The following PCDH18 variants were observed in gnomAD, a reference collection of about 807,000 sequenced individuals.
The protein encoded by PCDH18 is protocadherin-18.
A neutral mutation model predicts 71.5 loss-of-function variants in PCDH18; 38 were observed. That is an observed-to-expected ratio of 0.53 (90% confidence interval 0.41 to 0.70). The LOEUF is 0.70. Ranked by LOEUF, PCDH18 falls within the 30% of genes least tolerant of loss-of-function variation. PCDH18 has a pLI of 0.00. For missense variants in PCDH18, 1,334 were observed against 1,384.6 expected, an observed-to-expected ratio of 0.96 and a Z score of 0.58; for synonymous variants, 565 against 505.4, an observed-to-expected ratio of 1.12 and a Z score of -1.58.
In PCDH18 at chr4:137,520,359, A is replaced by G. The variant is rs1731254147; in HGVS notation, c.*670T>C. The G allele has an allele frequency of 6.6e-6, 1 of 152,222 alleles. No individual in the cohort carries two copies. Among genetic ancestry groups the G allele is most frequent in the Admixed American group, 6.5e-5 (1 of 15,276 alleles). The allele number at this position is 152,222 out of a possible 1,614,324, so 9.4% of individuals were successfully genotyped here. On this transcript the variant is annotated 3_prime_UTR_variant, in exon 4 of 4. Transcript: ENST00000344876. ...CTGGAATAGTAGGGGCCTGGGAGTC[A>G]GGAAACATTGACTTTAATTCTGTTT...
chr4:137,522,478 GA>G (rs1301814218), intron 3 of PCDH18, among the ~76,000 whole-genome samples: 3 of 151,942 alleles, frequency 2.0e-5, no homozygotes, highest in East Asian at 1.9e-4. Flanking sequence ...AAATAAAGAG[GA>G]AAAAACCCCT....
chr4:137,531,594 AT>A lies in PCDH18; in HGVS notation c.494del (p.Asp165ValfsTer35), dbSNP rs1395794539. On this transcript the variant is annotated frameshift_variant, in exon 1 of 4. Coordinates refer to ENST00000344876, the MANE Select transcript of PCDH18 (RefSeq NM_019035.5). LOFTEE classifies it high-confidence loss of function. ...RIPLDSAFDP[D>X]VGENSLHTYS... is the part of the protein sequence containing the mutation. The stretch of plus-strand genomic sequence containing the variant: ...ATGTGTGGAGGGAATTTTCCCCAAC[AT>A]CTGGATCAAATGCACTGTCCAGGGG... 1 of 1,613,700 alleles carries A rather than the reference AT, an allele frequency of 6.2e-7. No individual in the cohort carries two copies. Among genetic ancestry groups the A allele is most frequent in the Admixed American group, 1.7e-5 (1 of 59,988 alleles).
intron 3 of PCDH18, among the ~76,000 whole-genome samples, chr4:137,524,124 A>G (rs903334892): frequency 6.6e-6 from 1 of 152,138 alleles, no homozygotes; most frequent in Non-Finnish European, 1.5e-5. Flanking sequence ...AAGTGGTGCA[A>G]GTGGCTAATC....
At position 137,521,458 on chromosome 4, in the gene PCDH18, A is replaced by G. The variant is rs751329691; in HGVS notation, c.2979T>C (p.Asp993=). The change falls in exon 4 of 4, where the codon GAT becomes GAC. Residue 993 remains aspartate, a synonymous_variant. Transcript: ENST00000344876. ...FSTFGKDSPN[D]EDTGDTSTSS... is the part of the protein sequence containing the mutation. ...ATGTGCTGGTATCCCCAGTGTCCTC[A>G]TCGTTTGGGGAGTCCTTTCCAAAGG... 1 of 1,614,160 alleles carries G rather than the reference A, an allele frequency of 6.2e-7. No individual in the cohort carries two copies. Among genetic ancestry groups the G allele is most frequent in the South Asian group, 1.1e-5 (1 of 91,082 alleles).
chr4:137,530,851 T>C lies in PCDH18; in HGVS notation c.1238A>G (p.Asn413Ser), dbSNP rs1191762832. ...GHFKLQKTYE[N>S]NYLILTNATL... The stretch of plus-strand genomic sequence containing the variant: ...GGCATTAGTTAAGATTAAATAATTG[T>C]TTTCATATGTCTTCTGAAGTTTAAA... Residue 413 changes from asparagine to serine, a missense_variant, in exon 1 of 4, where the codon AAC (asparagine) becomes AGC (serine). By Grantham distance (46) the Asn-to-Ser change is conservative (BLOSUM62 1). Around this residue, in one of 3 missense-constraint regions of PCDH18, gnomAD observed 1,011 missense variants for 1,048.0 expected, o/e 0.96. Transcript: ENST00000344876. The C allele has an allele frequency of 8.1e-6, 13 of 1,609,220 alleles. No individual in the cohort carries two copies. Among genetic ancestry groups the C allele is most frequent in the Admixed American group, 1.7e-5 (1 of 59,280 alleles).
rs760207411 is a variant in PCDH18 at position 137,521,149 on chromosome 4, A to G, written c.3288T>C (p.Tyr1096=). 1.2e-5 allele frequency: 20 copies of G among 1,614,150 alleles called. No individual in the cohort carries two copies. The East Asian group carries it at 4.0e-4, about 32-fold the overall frequency. The change falls in exon 4 of 4, where the codon TAT becomes TAC. Residue 1096 remains tyrosine, a synonymous_variant. Transcript: ENST00000344876. ...GCACATTGTCAAAATCATCTTCCTC[A>G]TAATTTTCAGGGATCTCCTCCATGG... ...LPAMEEIPEN[Y]EEDDFDNVLN... is the part of the protein sequence containing the mutation.
Position 137,521,139 on chromosome 4 carries a change from C to A in PCDH18, c.3298G>T (p.Asp1100Tyr). The stretch of plus-strand genomic sequence containing the variant: ...AGGTGGTTGAGCACATTGTCAAAAT[C>A]ATCTTCCTCATAATTTTCAGGGATC... ...EEIPENYEED[D>Y]FDNVLNHLND... is the part of the protein sequence containing the mutation. Residue 1100 changes from aspartate to tyrosine, a missense_variant, in exon 4 of 4, where the codon GAT becomes TAT. Asp to Tyr is a radical substitution (Grantham distance 160). Coordinates refer to ENST00000344876, the MANE Select transcript of PCDH18 (RefSeq NM_019035.5). 6.2e-7 allele frequency: 1 copy of A among 1,614,040 alleles called. No homozygotes were observed.
rs749185256 is a variant in PCDH18 at position 137,530,685 on chromosome 4, G to A, written c.1404C>T (p.Ser468=). The change falls in exon 1 of 4, where the codon AGC becomes AGT. Residue 468 remains serine (S), a synonymous_variant. Transcript: ENST00000344876. ...TTTCTGAAATTACAAATTCATATCG[G>A]CTTCTCTGGAAGTGGGGTGGATTGT... The part of the protein sequence containing the change: ...INDNPPHFQR[S]RYEFVISENN... The A allele has an allele frequency of 6.2e-7, 1 of 1,612,856 alleles. No homozygotes were observed. The highest frequency in any genetic ancestry group is 8.5e-7 in the Non-Finnish European group (1 of 1,179,392).
In PCDH18 at chr4:137,531,630, C is replaced by G; in HGVS notation, c.459G>C (p.Gly153=). The change falls in exon 1 of 4, where the codon GGG becomes GGC. Residue 153 remains glycine (G), a synonymous_variant. Coordinates refer to ENST00000344876, the MANE Select transcript of PCDH18 (RefSeq NM_019035.5). ...ATGCACTGTCCAGGGGAATGCGAGT[C>G]CCAACTGCTGCACTCTCAGATATCT... is the stretch of plus-strand genomic sequence containing the variant. ...PIEISESAAV[G]TRIPLDSAFD... 6.2e-7 allele frequency: 1 copy of G among 1,613,792 alleles called. No individual in the cohort carries two copies. Among genetic ancestry groups the G allele is most frequent in the East Asian group, 2.2e-5 (1 of 44,870 alleles).
intron 3 of PCDH18, among the ~76,000 whole-genome samples, chr4:137,528,041 C>T (rs139637224): frequency 1.1e-3 from 170 of 152,146 alleles, no homozygotes; most frequent in African/African-American, 3.7e-3. Flanking sequence ...GAGTTGGTGC[C>T]CATCACAGGA....
chr4:137,528,360 A>G, intron 3 of PCDH18, 118 bp downstream of exon 3: 2 of 767,476 alleles, frequency 2.6e-6, no homozygotes, highest in South Asian at 1.7e-5. Context: ...AAAACATATT[A>G]TAAATACTTT....
At chr4:137,522,382 G>C (rs1174057270) in intron 3 of PCDH18, among the ~76,000 whole-genome samples, 2 of 152,112 alleles carry the variant, frequency 1.3e-5, no homozygotes, top group South Asian at 2.1e-4. Flanking sequence ...CCATTCCTTA[G>C]GTCTTACAGA....
At position 137,520,283 on chromosome 4, in the gene PCDH18, G is replaced by T. The variant is rs980722669; in HGVS notation, c.*746C>A. ...TTATTGTTTACCATAATTATAAGTA[G>T]ATAATAATATTGTGAGAGAAATATT... On this transcript the variant is annotated 3_prime_UTR_variant, in exon 4 of 4. Transcript: ENST00000344876. 1 of 152,284 alleles carries T rather than the reference G, an allele frequency of 6.6e-6. No homozygotes were observed. Among genetic ancestry groups the T allele is most frequent in the African/African-American group, 2.4e-5 (1 of 41,446 alleles). 9.4% of individuals were successfully genotyped at this position (152,284 alleles called of 1,614,324 possible). A position where few individuals can be genotyped will look rare whatever the true frequency, so the allele number is the denominator to read the frequency against.
chr4:137,529,304 C>A, intron 1 of PCDH18: 1 of 297,896 alleles, frequency 3.4e-6, no homozygotes, highest in Non-Finnish European at 6.2e-6. Context: ...TACTTTTTGG[C>A]TTCCCATTAT....
Position 137,521,218 on chromosome 4 carries a change from A to G in PCDH18, c.3219T>C (p.Leu1073=), listed in dbSNP as rs1266524264. The change falls in exon 4 of 4, where the codon CTT becomes CTC. Residue 1073 remains leucine, a synonymous_variant. Coordinates refer to ENST00000344876, the MANE Select transcript of PCDH18 (RefSeq NM_019035.5). ...AAGGCTGCACACTGGAGTGAGTTCC[A>G]AGTGGCGGCCCACAGTTGGTGGTGG... ...QNPTTNCGPP[L]GTHSSVQPSS... 1 of 1,613,870 alleles carries G rather than the reference A, an allele frequency of 6.2e-7. No homozygotes were observed. The highest frequency in any genetic ancestry group is 8.5e-7 in the Non-Finnish European group (1 of 1,179,868).
At chr4:137,525,553 T>C (rs893712783) in intron 3 of PCDH18, among the ~76,000 whole-genome samples, 6 of 152,154 alleles carry the variant, frequency 3.9e-5, no homozygotes. Flanking sequence ...TAAATTGGAA[T>C]ATGTGTCATC....
At chr4:137,522,935 GAAGT>G (rs1262733441) in intron 3 of PCDH18, among the ~76,000 whole-genome samples, 1 of 152,106 alleles carries the variant, frequency 6.6e-6, no homozygotes, top group African/African-American at 2.4e-5. Context: ...TGAAAAAAAA[GAAGT>G]AATGGTCTTT....
chr4:137,528,058 TC>T (rs1307497081), intron 3 of PCDH18, among the ~76,000 whole-genome samples: 1 of 152,138 alleles, frequency 6.6e-6, no homozygotes, highest in African/African-American at 2.4e-5. Context: ...AGGAAATGCA[TC>T]CTCCAAATTA....
Position 137,530,976 on chromosome 4 carries a change from T to A in PCDH18, c.1113A>T (p.Glu371Asp), listed in dbSNP as rs1197874088. 6.2e-7 allele frequency: 1 copy of A among 1,613,378 alleles called. No homozygotes were observed. Among genetic ancestry groups the A allele is most frequent in the Non-Finnish European group, 8.5e-7 (1 of 1,179,704 alleles). The change falls in exon 1 of 4, where the codon GAA becomes GAT. Residue 371 changes from glutamate to aspartate, a missense_variant. Glu to Asp is a conservative substitution (Grantham distance 45, BLOSUM62 2). Transcript: ENST00000344876. ...PGKEEISYIF[E>D]GDPIDTFVAL... ...CAACAAATGTATCAATAGGATCCCC[T>A]TCAAAAATATAAGATATTTCTTCTT...
Sources: gnomAD v4.1 joint callset for allele counts (sites outside exome capture counted in the v4.1 genomes callset) on GRCh38, gnomAD v4.1.1 for gene constraint, gnomAD v4.1.1 regional missense constraint, MANE v1.5 for transcripts, NCBI Gene and HGNC (gene_info 2026-07-23, HGNC 2026-07-21) for gene names.